The following CSMD1 variants were observed in gnomAD, a reference collection of about 807,000 sequenced individuals.
CSMD1 encodes CUB and sushi domain-containing protein 1.
In CSMD1, 213 loss-of-function variants were observed where a neutral mutation model predicts 417.5. The observed-to-expected ratio is 0.51, with a 90% CI of 0.46 to 0.57. The LOEUF is 0.57. Among genes scored for constraint, CSMD1 ranks in the 20% least tolerant of loss-of-function variants. The probability of loss-of-function intolerance (pLI) is 0.00; values close to 1 mark genes in which losing one functional copy is unlikely to be tolerated. For synonymous variants in CSMD1, 2,862 were observed against 1,736.8 expected (o/e 1.65, Z -16.11); for missense variants, 6,923 against 4,529.7 (o/e 1.53, Z -15.17).
At chr8:3,706,242 G>C (rs570581511) in intron 7 of CSMD1, among the ~76,000 whole-genome samples, 1 of 152,350 alleles carries the variant, frequency 6.6e-6, no homozygotes, top group Non-Finnish European at 1.5e-5. Context: ...CAACCCTATG[G>C]AAAGGATTAC....
At chr8:4,916,386 C>T (rs1204423938) in intron 1 of CSMD1, among the ~76,000 whole-genome samples, 2 of 152,200 alleles carry the variant, frequency 1.3e-5, no homozygotes, top group East Asian at 3.8e-4. Context: ...GTTATAGATT[C>T]AGAGTACATT....
Position 4,994,741 on chromosome 8 carries a change from A to C in CSMD1, c.-325T>G, listed in dbSNP as rs1302934213. ...GGCTGCGGGAGGGGGAGAAGCGGGG[A>C]GAGGAGCGCGCGCAGCCAGGAGAGA... is the stretch of plus-strand genomic sequence containing the variant. On this transcript the variant is annotated 5_prime_UTR_variant, in exon 1 of 70. Transcript: ENST00000635120. 1 of 300,750 alleles carries C rather than the reference A, an allele frequency of 3.3e-6. No homozygotes were observed. Among genetic ancestry groups the C allele is most frequent in the Admixed American group, 5.2e-5 (1 of 19,258 alleles). The allele number at this position is 300,750 out of a possible 1,614,324, so 18.6% of individuals were successfully genotyped here. A position where few individuals can be genotyped will look rare whatever the true frequency, so the allele number is the denominator to read the frequency against.
At chr8:4,884,798 A>C (rs1803633608) in intron 1 of CSMD1, among the ~76,000 whole-genome samples, 1 of 152,064 alleles carries the variant, frequency 6.6e-6, no homozygotes, top group South Asian at 2.1e-4. Flanking sequence ...GGGAAGCATG[A>C]GTTCTCTAAC....
chr8:4,223,799 G>C (rs145169031), intron 3 of CSMD1, among the ~76,000 whole-genome samples: 3 of 152,140 alleles, frequency 2.0e-5, no homozygotes, highest in African/African-American at 7.2e-5. Flanking sequence ...AAGCCCCTTG[G>C]CCAATAACAA....
At chr8:3,644,260 C>A (rs1797461660) in intron 7 of CSMD1, among the ~76,000 whole-genome samples, 1 of 152,180 alleles carries the variant, frequency 6.6e-6, no homozygotes, top group Admixed American at 6.5e-5. Context: ...CAGTTGAGAA[C>A]CATTGCTGTT....
At chr8:4,172,312 G>C (rs1216824494) in intron 3 of CSMD1, among the ~76,000 whole-genome samples, 2 of 152,056 alleles carry the variant, frequency 1.3e-5, no homozygotes, top group Non-Finnish European at 2.9e-5. Flanking sequence ...AGCAGGTGTG[G>C]CTACCGAGAT....
At chr8:4,498,389 G>C (rs1325168696) in intron 2 of CSMD1, among the ~76,000 whole-genome samples, 4 of 152,036 alleles carry the variant, frequency 2.6e-5, no homozygotes, top group African/African-American at 9.6e-5. Flanking sequence ...GCATATTTTT[G>C]TATATATTTC....
At chr8:4,543,907 G>A (rs1797521502) in intron 2 of CSMD1, among the ~76,000 whole-genome samples, 3 of 152,044 alleles carry the variant, frequency 2.0e-5, no homozygotes, top group South Asian at 2.1e-4. Context: ...CTTTTCATAT[G>A]ATAATTTGAC....
intron 67 of CSMD1, 36 bp downstream of exon 67, chr8:2,950,195 C>G (rs917635346): frequency 7.6e-7 from 1 of 1,307,846 alleles, no homozygotes; most frequent in Non-Finnish European, 1.1e-6. Flanking sequence ...GATTAGAAAG[C>G]CTGTGCTTTG....
chr8:4,121,136 G>A (rs897389877), intron 3 of CSMD1, among the ~76,000 whole-genome samples: 2 of 151,194 alleles, frequency 1.3e-5, no homozygotes, highest in East Asian at 1.9e-4. Context: ...TTATTTTTGG[G>A]CAGAGTCTCA....
chr8:3,441,763 A>G (rs1309553046), intron 12 of CSMD1, among the ~76,000 whole-genome samples: 2 of 152,124 alleles, frequency 1.3e-5, no homozygotes, highest in Non-Finnish European at 2.9e-5. Context: ...CTTGATAATA[A>G]TAAGTGACTA....
chr8:3,108,572 G>C (rs965460611), intron 44 of CSMD1, 31 bp downstream of exon 44: 1 of 1,610,452 alleles, frequency 6.2e-7, no homozygotes, highest in East Asian at 2.2e-5. Context: ...GGAATTCTCA[G>C]TCTTAACTAA....
rs7014494 is a variant in CSMD1, at chr8:3,930,978, G to T, written c.818+66925C>A. Reference sequence around the variant, plus strand: ...AATACATCAGCAAAAACGCCCTGTGGAATATCATCTTATTTAAAGGTGTTA... The same window carrying T: ...AATACATCAGCAAAAACGCCCTGTGTAATATCATCTTATTTAAAGGTGTTA... On this transcript the variant is annotated intron_variant, in intron 5 of 69. Coordinates refer to ENST00000635120, the MANE Select transcript of CSMD1 (RefSeq NM_033225.6). Among the ~76,000 whole-genome samples, 556 of 150,594 alleles carry T rather than the reference G, an allele frequency of 3.7e-3. 31 individuals carry two copies. The highest frequency in any genetic ancestry group is 0.013 in the African/African-American group (530 of 40,902).
chr8:4,106,668 A>G (rs934466249), intron 3 of CSMD1, among the ~76,000 whole-genome samples: 5 of 152,222 alleles, frequency 3.3e-5, no homozygotes, highest in African/African-American at 1.2e-4. Flanking sequence ...TAAAAACAGT[A>G]AAACATTTTC....
intron 3 of CSMD1, among the ~76,000 whole-genome samples, chr8:4,161,658 C>A (rs1797178033): frequency 6.6e-6 from 1 of 152,148 alleles, no homozygotes; most frequent in Admixed American, 6.6e-5. Flanking sequence ...CCAACGTCAA[C>A]AACAGCCATA....
chr8:4,693,425 C>A (rs551037891), intron 1 of CSMD1, among the ~76,000 whole-genome samples: 1 of 152,338 alleles, frequency 6.6e-6, no homozygotes, highest in East Asian at 1.9e-4. Context: ...CTGTGTCAGC[C>A]TCAATATTCC....
At chr8:3,255,120 G>A (rs978749024) in intron 26 of CSMD1, among the ~76,000 whole-genome samples, 1 of 152,172 alleles carries the variant, frequency 6.6e-6, no homozygotes, top group Non-Finnish European at 1.5e-5. Flanking sequence ...GTCTCTTGGA[G>A]TTTGCGGAGG....
At chr8:3,391,244 T>A (rs540332909) in intron 17 of CSMD1, among the ~76,000 whole-genome samples, 1 of 152,222 alleles carries the variant, frequency 6.6e-6, no homozygotes, top group Non-Finnish European at 1.5e-5. Context: ...GTTTCTTCCA[T>A]GAATAACATG....
At chr8:3,561,583 G>C (rs576149745) in intron 10 of CSMD1, among the ~76,000 whole-genome samples, 5 of 152,210 alleles carry the variant, frequency 3.3e-5, no homozygotes, top group African/African-American at 9.6e-5. Flanking sequence ...GGTACACATG[G>C]AGATAAGGAT....
Sources: allele counts gnomAD v4.1 joint callset (sites outside exome capture counted in the v4.1 genomes callset), GRCh38; gene constraint gnomAD v4.1.1; transcripts MANE v1.5; gene names NCBI Gene and HGNC (gene_info 2026-07-23, HGNC 2026-07-21).